Variants in EOGT observed in about 807,000 individuals in gnomAD.
The protein encoded by EOGT is EGF domain specific O-linked N-acetylglucosamine transferase.
EOGT carries 55 observed loss-of-function variants against 70.5 expected under a neutral mutation model. The observed-to-expected ratio is 0.78, with a 90% confidence interval of 0.63 to 0.98. The LOEUF (loss-of-function observed/expected upper bound fraction) is 0.98, where lower values mean the gene tolerates loss of function less well. EOGT is among the 50% of genes least tolerant of loss of function. The pLI, the probability that EOGT is intolerant of heterozygous loss-of-function variation, is 0.00. For missense variants in EOGT, 703 were observed against 641.9 expected (o/e 1.10, Z -1.03); for synonymous variants, 246 against 217.1 (o/e 1.13, Z -1.17).
intron 10 of EOGT, among the ~76,000 whole-genome samples, chr3:68,990,158 C>A (rs1330635700): frequency 6.6e-6 from 1 of 151,936 alleles, no homozygotes; most frequent in African/African-American, 2.4e-5. Context: ...CACCCACAAG[C>A]CTAATGAGTT....
intron 14 of EOGT, 94 bp downstream of exon 14, chr3:68,987,351 A>G: frequency 1.0e-6 from 1 of 955,140 alleles, no homozygotes; most frequent in Non-Finnish European, 1.6e-6. Flanking sequence ...TAAGTTTTAA[A>G]CCAAAGCTTT....
At chr3:69,013,101 G>A (rs1234076480) in intron 1 of EOGT, among the ~76,000 whole-genome samples, 3 of 152,062 alleles carry the variant, frequency 2.0e-5, no homozygotes, top group African/African-American at 7.2e-5. Flanking sequence ...CGTCAGTCCC[G>A]GCCAAGGGCT....
chr3:68,996,764 T>C (rs1025446773), intron 10 of EOGT, among the ~76,000 whole-genome samples: 9 of 152,238 alleles, frequency 5.9e-5, no homozygotes, highest in African/African-American at 2.2e-4. Flanking sequence ...TCATCCTGAA[T>C]AGACTCACAC....
intron 14 of EOGT, among the ~76,000 whole-genome samples, chr3:68,985,149 T>C (rs1036760990): frequency 6.6e-6 from 1 of 152,210 alleles, no homozygotes; most frequent in South Asian, 2.1e-4. Context: ...TCAATATGTA[T>C]GGTCTATACC....
At position 68,976,813 on chromosome 3, in the gene EOGT, A is replaced by T. The variant is rs2090484246; in HGVS notation, c.*805T>A. 6.6e-6 allele frequency: 1 copy of T among 152,650 alleles called. No homozygotes were observed. Among genetic ancestry groups the T allele is most frequent in the African/African-American group, 2.4e-5 (1 of 41,438 alleles). 9.5% of individuals were successfully genotyped at this position (152,650 alleles called of 1,614,324 possible). On this transcript the variant is annotated 3_prime_UTR_variant, in exon 18 of 18. Coordinates refer to ENST00000383701, the MANE Select transcript of EOGT (RefSeq NM_001278689.2). The stretch of plus-strand genomic sequence containing the variant: ...ATTACAGTCATATGATATTCTACAA[A>T]AATATTTACAAATTCTAAAGCTGAA...
Position 69,007,825 on chromosome 3 carries a change from T to C in EOGT, c.312-4A>G, listed in dbSNP as rs768436540. ...AGCTGACTCAAGAGTGTCCGTCCTA[T>C]TTGCAAATAAAAATATTCTGTGTTT... On this transcript the variant is annotated splice_region_variant and splice_polypyrimidine_tract_variant and intron_variant, in intron 5 of 17. Transcript: ENST00000383701. 6 of 1,583,296 alleles carry C rather than the reference T, an allele frequency of 3.8e-6. No individual in the cohort carries two copies. The East Asian group carries it at 1.4e-4, about 36-fold the overall frequency.
intron 16 of EOGT, among the ~76,000 whole-genome samples, chr3:68,979,244 GT>G (rs1306873903): frequency 6.6e-6 from 1 of 152,196 alleles, no homozygotes; most frequent in African/African-American, 2.4e-5. Context: ...AAGGGCCTCA[GT>G]TTCCCTGTGT....
chr3:69,010,223 G>A (rs1393415649), intron 3 of EOGT, among the ~76,000 whole-genome samples: 1 of 152,220 alleles, frequency 6.6e-6, no homozygotes, highest in African/African-American at 2.4e-5. Flanking sequence ...TTCCTGTAAA[G>A]GAGAAGCAGT....
At chr3:68,985,763 C>T (rs559541524) in intron 14 of EOGT, among the ~76,000 whole-genome samples, 37 of 152,310 alleles carry the variant, frequency 2.4e-4, no homozygotes, top group African/African-American at 8.4e-4. Context: ...ATGTCTCTCC[C>T]TCTGTATTTG....
intron 8 of EOGT, among the ~76,000 whole-genome samples, chr3:69,002,149 G>T (rs1575765918): frequency 6.6e-6 from 1 of 152,204 alleles, no homozygotes; most frequent in Non-Finnish European, 1.5e-5. Flanking sequence ...CCGAGATGGT[G>T]CCAAAAGGAG....
intron 10 of EOGT, among the ~76,000 whole-genome samples, chr3:68,995,786 G>C (rs1017752257): frequency 2.6e-5 from 4 of 152,140 alleles, no homozygotes; most frequent in Non-Finnish European, 5.9e-5. Context: ...AGAGCACTGT[G>C]GTGTCTGAGC....
rs1359276220 is a variant in EOGT, at chr3:68,998,034, C to T, written c.808G>A (p.Val270Met). 4.4e-6 allele frequency: 7 copies of T among 1,584,966 alleles called. No individual in the cohort carries two copies. Among genetic ancestry groups the T allele is most frequent in the African/African-American group, 1.4e-5 (1 of 73,896 alleles). The change falls in exon 10 of 18, where the codon GTG (valine) becomes ATG (methionine). Residue 270 changes from valine (V) to methionine (M), a missense_variant. Coordinates refer to ENST00000383701, the MANE Select transcript of EOGT (RefSeq NM_001278689.2). ...QHVNNSFSTD[V>M]YIVMWDTSSY... ...ACGGTGTCCCACATCACGATGTACACGTCAGTACTGAATGAGTTATTAACG... is the reference window on the plus strand; with the variant it reads ...ACGGTGTCCCACATCACGATGTACATGTCAGTACTGAATGAGTTATTAACG...
At chr3:68,990,807 T>C (rs1462729706) in intron 10 of EOGT, among the ~76,000 whole-genome samples, 3 of 152,160 alleles carry the variant, frequency 2.0e-5, no homozygotes, top group Non-Finnish European at 1.5e-5. Flanking sequence ...ATTATGTTCA[T>C]GTCTCTTTTT....
intron 8 of EOGT, 147 bp downstream of exon 8, chr3:69,004,231 C>T: frequency 3.2e-6 from 2 of 617,390 alleles, no homozygotes; most frequent in Non-Finnish European, 5.7e-6. Flanking sequence ...CTGAGGGATT[C>T]ACTCGGTTTC....
chr3:69,009,938 A>C lies in EOGT; in HGVS notation c.-14-78T>G, dbSNP rs537431992. On this transcript the variant is annotated intron_variant, in intron 3 of 17. Coordinates refer to ENST00000383701, the MANE Select transcript of EOGT (RefSeq NM_001278689.2). ...AACAACAACAACAACAACAACAAAA[A>C]AAAAAAAAAAACAAAGGGTCAAGGG... 511 of 709,272 alleles carry C rather than the reference A, an allele frequency of 7.2e-4. 4 individuals carry two copies. Among genetic ancestry groups the C allele is most frequent in the African/African-American group, 4.0e-3 (221 of 54,652 alleles). 43.9% of individuals were successfully genotyped at this position (709,272 alleles called of 1,614,324 possible).
rs1396147280 is a variant in EOGT, at chr3:69,007,902, C to G, written c.312-81G>C. 3 of 905,458 alleles carry G rather than the reference C, an allele frequency of 3.3e-6. No individual in the cohort carries two copies. The African/African-American group carries it at 5.1e-5, about 16-fold the overall frequency. The allele number at this position is 905,458 out of a possible 1,614,324, so 56.1% of individuals were successfully genotyped here. A position where few individuals can be genotyped will look rare whatever the true frequency, so the allele number is the denominator to read the frequency against. On this transcript the variant is annotated intron_variant, in intron 5 of 17. Coordinates refer to ENST00000383701, the MANE Select transcript of EOGT (RefSeq NM_001278689.2). ...AATTTTCATTCTAAAGGTTAAAATG[C>G]TAGAGGTTCCTTATTACTTTAATTT...
Position 69,007,201 on chromosome 3 carries a change from T to C in EOGT, c.420+512A>G, listed in dbSNP as rs535787115. ...TAAATGTGGGATAAGGAGGACAGGGTTTCCAAAGGAAAGAAAACAACCTAT... is the reference window on the plus strand; with the variant it reads ...TAAATGTGGGATAAGGAGGACAGGGCTTCCAAAGGAAAGAAAACAACCTAT... On this transcript the variant is annotated intron_variant, in intron 6 of 17. Coordinates refer to ENST00000383701, the MANE Select transcript of EOGT (RefSeq NM_001278689.2). Among the ~76,000 whole-genome samples, 3 of 152,190 alleles carry C rather than the reference T, an allele frequency of 2.0e-5. No homozygotes were observed. The South Asian group carries it at 6.2e-4, about 32-fold the overall frequency.
chr3:68,976,422 G>T lies in EOGT; in HGVS notation c.*1196C>A, dbSNP rs984350025. On this transcript the variant is annotated 3_prime_UTR_variant, in exon 18 of 18. Transcript: ENST00000383701. ...GCTAAGAAGGAATCAGTGGAAACCAGACAGAAGGTATGCAAGACAGTCCTA... is the reference window on the plus strand; with the variant it reads ...GCTAAGAAGGAATCAGTGGAAACCATACAGAAGGTATGCAAGACAGTCCTA... 9.2e-5 allele frequency: 14 copies of T among 152,328 alleles called. No homozygotes were observed. Among genetic ancestry groups the T allele is most frequent in the African/African-American group, 3.4e-4 (14 of 41,570 alleles). 9.4% of individuals were successfully genotyped at this position (152,328 alleles called of 1,614,324 possible).
intron 8 of EOGT, among the ~76,000 whole-genome samples, chr3:69,002,651 G>GA: frequency 6.9e-6 from 1 of 144,734 alleles, no homozygotes; most frequent in Non-Finnish European, 1.5e-5. Flanking sequence ...GGTTTGCTCA[G>GA]CATGAATTTC....
Sources: allele counts gnomAD v4.1 joint callset (sites outside exome capture counted in the v4.1 genomes callset), GRCh38; gene constraint gnomAD v4.1.1; transcripts MANE v1.5; gene names NCBI Gene and HGNC (gene_info 2026-07-23, HGNC 2026-07-21).